Variants in HDAC2 observed in about 807,000 individuals in gnomAD.
HDAC2 encodes the protein YY1-associated factor 1.
HDAC2 carries 5 observed loss-of-function variants against 68.5 expected under a neutral mutation model. That is an observed-to-expected ratio of 0.07 (90% CI 0.04 to 0.15). The LOEUF is 0.15. HDAC2 is among the 10% of genes least tolerant of loss of function. HDAC2 has a pLI of 1.00. For missense variants in HDAC2, 291 were observed against 600.8 expected (o/e 0.48, Z 5.39); for synonymous variants, 182 against 191.3 (o/e 0.95, Z 0.40).
intron 5 of HDAC2, chr6:113,955,805 C>T (rs1382603263): frequency 4.3e-6 from 2 of 465,888 alleles, no homozygotes; most frequent in Non-Finnish European, 7.4e-6. Context: ...GCCATAGTGC[C>T]TGGCCACACT....
chr6:113,941,708 C>T lies in HDAC2; in HGVS notation c.1436G>A (p.Gly479Glu). 1 of 1,338,408 alleles carries T rather than the reference C, an allele frequency of 7.5e-7. No homozygotes were observed. Among genetic ancestry groups the T allele is most frequent in the Non-Finnish European group, 1.0e-6 (1 of 963,208 alleles). The allele number at this position is 1,338,408 out of a possible 1,614,324, so 82.9% of individuals were successfully genotyped here. ...GTACTTGATAAGGAACATCATTTAC[C>T]CTTTGGTATCTGTTTTTTCACCACT... ...DNSGEKTDTK[G>E]TKSEQLSNP Residue 479 changes from glycine to glutamate, a missense_variant and splice_region_variant, in exon 13 of 14, where the codon GGA becomes GAA. By Grantham distance (98) the Gly-to-Glu change is moderately conservative (BLOSUM62 -2). Coordinates refer to ENST00000519065, the MANE Select transcript of HDAC2 (RefSeq NM_001527.4).
intron 6 of HDAC2, among the ~76,000 whole-genome samples, chr6:113,952,247 AAGG>A (rs773260619): frequency 6.6e-6 from 1 of 152,242 alleles, no homozygotes; most frequent in Non-Finnish European, 1.5e-5. Flanking sequence ...GGAGAAATTG[AAGG>A]AGTTTACTGG....
chr6:113,938,970 A>G lies in HDAC2; in HGVS notation c.*2088T>C, dbSNP rs1205762236. The G allele has an allele frequency of 6.6e-6, 1 of 152,024 alleles. No individual in the cohort carries two copies. The highest frequency in any genetic ancestry group is 1.5e-5 in the Non-Finnish European group (1 of 68,042). 9.4% of individuals were successfully genotyped at this position (152,024 alleles called of 1,614,324 possible). On this transcript the variant is annotated 3_prime_UTR_variant, in exon 14 of 14. Coordinates refer to ENST00000519065, the MANE Select transcript of HDAC2 (RefSeq NM_001527.4). ...ATCCAGTATAGTATTGAAGTGTACA[A>G]TTTCAGTATGTTCACACAATGGAAC... is the stretch of plus-strand genomic sequence containing the variant.
intron 1 of HDAC2, among the ~76,000 whole-genome samples, chr6:113,966,660 AACAG>A (rs1001655742): frequency 2.6e-5 from 4 of 152,192 alleles, no homozygotes; most frequent in African/African-American, 7.2e-5. Flanking sequence ...ACACAAGCAA[AACAG>A]ACAGACTGTC....
In HDAC2 at chr6:113,955,946, CTTTA is replaced by C. The variant is rs1381155765; in HGVS notation, c.497+63_497+66del. On this transcript the variant is annotated intron_variant, in intron 5 of 13. Coordinates refer to ENST00000519065, the MANE Select transcript of HDAC2 (RefSeq NM_001527.4). ...ACCTAATATTTTTTAAAGCCATAGA[CTTTA>C]TTTATTGTGTTTTAATGAAAACACT... 5.8e-6 allele frequency: 7 copies of C among 1,210,006 alleles called. No homozygotes were observed. The African/African-American group carries it at 6.2e-5, about 11-fold the overall frequency. 75.0% of individuals were successfully genotyped at this position (1,210,006 alleles called of 1,614,324 possible).
intron 11 of HDAC2, among the ~76,000 whole-genome samples, chr6:113,943,892 A>G (rs998513214): frequency 1.3e-5 from 2 of 152,212 alleles, no homozygotes; most frequent in Non-Finnish European, 2.9e-5. Context: ...AATATGTTAG[A>G]CAGTCTATAC....
At chr6:113,963,412 A>T (rs1776737811) in intron 1 of HDAC2, among the ~76,000 whole-genome samples, 2 of 152,182 alleles carry the variant, frequency 1.3e-5, no homozygotes, top group Non-Finnish European at 2.9e-5. Flanking sequence ...AAAAAGGCTA[A>T]GAAGTTTTAA....
intron 1 of HDAC2, among the ~76,000 whole-genome samples, chr6:113,968,915 C>T (rs979172169): frequency 3.3e-5 from 5 of 152,278 alleles, no homozygotes; most frequent in South Asian, 4.1e-4. Context: ...TTACAAGCAG[C>T]TTACTTCCTC....
intron 1 of HDAC2, among the ~76,000 whole-genome samples, chr6:113,962,968 A>G (rs1776723931): frequency 6.6e-6 from 1 of 151,284 alleles, no homozygotes; most frequent in African/African-American, 2.4e-5. Context: ...TGTATCAAAA[A>G]AAAAAAAAAA....
Position 113,939,280 on chromosome 6 carries a change from T to A in HDAC2, c.*1778A>T, listed in dbSNP as rs1776073044. On this transcript the variant is annotated 3_prime_UTR_variant, in exon 14 of 14. Transcript: ENST00000519065. ...TGGTATTTTCTTATTTAAAACAGGATCATCATGGTAGACGGGAGGCATGGT... is the reference window on the plus strand; with the variant it reads ...TGGTATTTTCTTATTTAAAACAGGAACATCATGGTAGACGGGAGGCATGGT... The A allele has an allele frequency of 6.6e-6, 1 of 152,004 alleles. No individual in the cohort carries two copies. Among genetic ancestry groups the A allele is most frequent in the Non-Finnish European group, 1.5e-5 (1 of 68,042 alleles). 9.4% of individuals were successfully genotyped at this position (152,004 alleles called of 1,614,324 possible).
rs947931839 is a variant in HDAC2, at chr6:113,939,588, T to C, written c.*1470A>G. The C allele has an allele frequency of 2.0e-5, 3 of 152,150 alleles. No individual in the cohort carries two copies. The highest frequency in any genetic ancestry group is 4.8e-5 in the African/African-American group (2 of 41,426). 9.4% of individuals were successfully genotyped at this position (152,150 alleles called of 1,614,324 possible). On this transcript the variant is annotated 3_prime_UTR_variant, in exon 14 of 14. Coordinates refer to ENST00000519065, the MANE Select transcript of HDAC2 (RefSeq NM_001527.4). ...TCCTAATGTCATAAAGGTTTACAGA[T>C]TGATAACAAATATGTAGCAAAAGTA... is the stretch of plus-strand genomic sequence containing the variant.
intron 5 of HDAC2, among the ~76,000 whole-genome samples, chr6:113,953,683 C>T (rs1292244520): frequency 6.6e-6 from 1 of 152,176 alleles, no homozygotes; most frequent in Non-Finnish European, 1.5e-5. Flanking sequence ...AAACATAGCA[C>T]ATATTTCTAA....
rs1336381283 is a variant in HDAC2, at chr6:113,935,227, C to T, written c.*5831G>A. On this transcript the variant is annotated 3_prime_UTR_variant, in exon 14 of 14. Transcript: ENST00000519065. ...GAAAATTTTTGAAGTGCATTTCTCA[C>T]TTAAGGACATAGCATATTTAAAAAA... is the stretch of plus-strand genomic sequence containing the variant. 6.6e-6 allele frequency: 1 copy of T among 152,134 alleles called. No individual in the cohort carries two copies. Among genetic ancestry groups the T allele is most frequent in the Non-Finnish European group, 1.5e-5 (1 of 68,016 alleles). 9.4% of individuals were successfully genotyped at this position (152,134 alleles called of 1,614,324 possible). A position where few individuals can be genotyped will look rare whatever the true frequency, so the allele number is the denominator to read the frequency against.
At chr6:113,946,562 A>T (rs770709458) in intron 8 of HDAC2, 19 of 153,152 alleles carry the variant, frequency 1.2e-4, no homozygotes, top group Non-Finnish European at 2.5e-4. Context: ...ACATGTGTAA[A>T]ATAATTATGG....
chr6:113,937,569 G>T lies in HDAC2; in HGVS notation c.*3489C>A, dbSNP rs956370388. Reference sequence around the variant, plus strand: ...ACACTTGACAATAGTTGCTTTCTAAGTCTGTAACATGATAGGTTTAGGCCG... The same window carrying T: ...ACACTTGACAATAGTTGCTTTCTAATTCTGTAACATGATAGGTTTAGGCCG... On this transcript the variant is annotated 3_prime_UTR_variant, in exon 14 of 14. Coordinates refer to ENST00000519065, the MANE Select transcript of HDAC2 (RefSeq NM_001527.4). 6.6e-6 allele frequency: 1 copy of T among 152,368 alleles called. No individual in the cohort carries two copies. The highest frequency in any genetic ancestry group is 2.1e-4 in the South Asian group (1 of 4,832). The allele number at this position is 152,368 out of a possible 1,614,324, so 9.4% of individuals were successfully genotyped here.
chr6:113,960,057 G>A (rs765717599), intron 1 of HDAC2, 39 bp from the exon 2 acceptor site: 2 of 963,390 alleles, frequency 2.1e-6, no homozygotes, highest in South Asian at 2.6e-5. Flanking sequence ...ATACAGACAA[G>A]AGACCCTCCA....
At chr6:113,969,360 G>C (rs922150284) in intron 1 of HDAC2, among the ~76,000 whole-genome samples, 1 of 152,160 alleles carries the variant, frequency 6.6e-6, no homozygotes, top group Non-Finnish European at 1.5e-5. Flanking sequence ...ATATGTATCA[G>C]TCATTAAAAG....
chr6:113,955,057 A>G (rs182681259), intron 5 of HDAC2, among the ~76,000 whole-genome samples: 2 of 152,370 alleles, frequency 1.3e-5, no homozygotes, highest in African/African-American at 4.8e-5. Flanking sequence ...CACTGGCTTC[A>G]AATTTTTGTC....
intron 1 of HDAC2, among the ~76,000 whole-genome samples, chr6:113,967,796 A>T (rs1278561918): frequency 6.6e-6 from 1 of 152,182 alleles, no homozygotes; most frequent in Non-Finnish European, 1.5e-5. Context: ...CTTAGTGACT[A>T]TCTAATTAGC....
Sources: allele counts gnomAD v4.1 joint callset (sites outside exome capture counted in the v4.1 genomes callset), GRCh38; gene constraint gnomAD v4.1.1; transcripts MANE v1.5; gene names NCBI Gene and HGNC (gene_info 2026-07-23, HGNC 2026-07-21).